CCDC63: variants seen among roughly 807,000 people sequenced by gnomAD.
The protein encoded by CCDC63 is coiled-coil domain containing 63.
CCDC63 carries 54 observed loss-of-function variants against 63.6 expected under a neutral mutation model. The ratio of observed to expected loss-of-function variants is 0.85; its 90% CI spans 0.68 to 1.07. The LOEUF (loss-of-function observed/expected upper bound fraction) is 1.07, where lower values mean the gene tolerates loss of function less well. Ranked by LOEUF, CCDC63 falls within the 50% of genes least tolerant of loss-of-function variation. CCDC63 has a pLI of 0.00. For missense variants in CCDC63, 637 were observed against 689.6 expected (o/e 0.92, Z 0.86); for synonymous variants, 253 against 266.1 (o/e 0.95, Z 0.48).
chr12:110,896,092 A>G (rs1433948928), intron 9 of CCDC63, among the ~76,000 whole-genome samples: 1 of 152,220 alleles, frequency 6.6e-6, no homozygotes, highest in East Asian at 1.9e-4. Context: ...TTAAAAAATG[A>G]ATCCTGTGAT....
chr12:110,850,399 A>C (rs1393963588), intron 1 of CCDC63, among the ~76,000 whole-genome samples: 1 of 152,198 alleles, frequency 6.6e-6, no homozygotes, highest in Non-Finnish European at 1.5e-5. Flanking sequence ...ACTGTTGGGG[A>C]GGCAATGAAC....
chr12:110,852,377 A>AGCCT (rs1006949959), intron 1 of CCDC63, among the ~76,000 whole-genome samples: 10 of 152,070 alleles, frequency 6.6e-5, no homozygotes, highest in Admixed American at 4.6e-4. Context: ...CTCCTGCCTC[A>AGCCT]GCCTCCTGAG....
chr12:110,856,185 A>G (rs1472115641), intron 3 of CCDC63, among the ~76,000 whole-genome samples: 2 of 150,136 alleles, frequency 1.3e-5, no homozygotes. Context: ...TTCCAGGTTC[A>G]AGCGATTCTC....
intron 9 of CCDC63, among the ~76,000 whole-genome samples, chr12:110,893,561 C>T (rs1482659289): frequency 6.6e-6 from 1 of 152,156 alleles, no homozygotes; most frequent in African/African-American, 2.4e-5. Flanking sequence ...GGAGTAATTA[C>T]CATGTACGAG....
intron 5 of CCDC63, 103 bp from the exon 6 acceptor site, chr12:110,879,803 G>A (rs1479299128): frequency 5.4e-6 from 6 of 1,105,992 alleles, no homozygotes; most frequent in East Asian, 2.4e-5. Flanking sequence ...TGGCCCTTGC[G>A]TATGAGGTGG....
chr12:110,905,357 C>A (rs1021767558), intron 11 of CCDC63, among the ~76,000 whole-genome samples: 1 of 152,122 alleles, frequency 6.6e-6, no homozygotes, highest in Non-Finnish European at 1.5e-5. Context: ...TCCTTCTTTT[C>A]CAAGGTGGAA....
chr12:110,883,191 C>T (rs889630945), intron 7 of CCDC63, among the ~76,000 whole-genome samples: 7 of 152,142 alleles, frequency 4.6e-5, no homozygotes, highest in South Asian at 2.1e-4. Context: ...GCACATGCCA[C>T]CACACCCAGC....
intron 10 of CCDC63, among the ~76,000 whole-genome samples, chr12:110,902,397 T>A (rs76929039): frequency 0.012 from 1,824 of 152,272 alleles, 15 homozygotes; most frequent in Admixed American, 0.02. Context: ...CTCCTCTCGA[T>A]CCTTCCAAAT....
At chr12:110,883,794 C>T (rs1378125696) in intron 7 of CCDC63, among the ~76,000 whole-genome samples, 1 of 152,102 alleles carries the variant, frequency 6.6e-6, no homozygotes, top group Non-Finnish European at 1.5e-5. Context: ...CATGTGCCAC[C>T]ACACCTGGCT....
intron 5 of CCDC63, among the ~76,000 whole-genome samples, chr12:110,878,890 C>A (rs1468131): frequency 0.32 from 47,660 of 149,708 alleles, 7,987 homozygotes; most frequent in African/African-American, 0.45. Flanking sequence ...CTTTAAAAAA[C>A]AACTTTTAAA....
At chr12:110,854,246 ATTTCT>A (rs1423649986) in intron 3 of CCDC63, among the ~76,000 whole-genome samples, 1 of 108,786 alleles carries the variant, frequency 9.2e-6, no homozygotes, top group East Asian at 2.7e-4. Context: ...AATTACAATC[ATTTCT>A]TTTCTTTTTT....
intron 9 of CCDC63, among the ~76,000 whole-genome samples, chr12:110,898,499 TCC>T (rs2071441801): frequency 6.7e-6 from 1 of 149,002 alleles, no homozygotes; most frequent in South Asian, 2.2e-4. Context: ...CTGCTTGTAA[TCC>T]CAGCTACTTG....
At chr12:110,893,688 A>C (rs577172878) in intron 9 of CCDC63, among the ~76,000 whole-genome samples, 29 of 152,294 alleles carry the variant, frequency 1.9e-4, no homozygotes, top group African/African-American at 7.0e-4. Context: ...CACTTGACCA[A>C]CATCAAGGAG....
rs1244174822 is a variant in CCDC63, at chr12:110,889,621, G to C, written c.1075-3455G>C. 3.9e-5 allele frequency among the ~76,000 whole-genome samples: 6 copies of C among 152,172 alleles called. No individual in the cohort carries two copies. Among genetic ancestry groups the C allele is most frequent in the Non-Finnish European group, 7.3e-5 (5 of 68,030 alleles). Reference sequence around the variant, plus strand: ...GGAGGGAGAGGGGATGAATCTGGGAGGTGAGGGCTGCTGGGCACATTTCCA... The same window carrying C: ...GGAGGGAGAGGGGATGAATCTGGGACGTGAGGGCTGCTGGGCACATTTCCA... On this transcript the variant is annotated intron_variant, in intron 8 of 11. Coordinates refer to ENST00000308208, the MANE Select transcript of CCDC63 (RefSeq NM_152591.3). This position sits in a 1 kb window ranked among gnomAD's most constrained non-coding sequence, Gnocchi z 4.1.
intron 11 of CCDC63, among the ~76,000 whole-genome samples, chr12:110,905,174 T>C (rs940191463): frequency 6.6e-6 from 1 of 152,190 alleles, no homozygotes; most frequent in African/African-American, 2.4e-5. Flanking sequence ...TCTATGCTCC[T>C]GAGTCTCACT....
intron 11 of CCDC63, among the ~76,000 whole-genome samples, chr12:110,905,159 C>A (rs1207352846): frequency 6.6e-6 from 1 of 152,132 alleles, no homozygotes; most frequent in Non-Finnish European, 1.5e-5. Context: ...CTCATGCTCA[C>A]CCTATCTATG....
At chr12:110,901,181 G>C (rs1269319468) in intron 10 of CCDC63, among the ~76,000 whole-genome samples, 1 of 151,868 alleles carries the variant, frequency 6.6e-6, no homozygotes, top group East Asian at 1.9e-4. Context: ...TATTTTGTAG[G>C]GTACATGAGA....
At chr12:110,880,541 AGATCT>A (rs2071186541) in intron 6 of CCDC63, among the ~76,000 whole-genome samples, 3 of 152,022 alleles carry the variant, frequency 2.0e-5, no homozygotes, top group Admixed American at 6.6e-5. Flanking sequence ...CTTCAGAGTC[AGATCT>A]GGGTTTAAAT....
chr12:110,859,150 CTG>C lies in CCDC63; in HGVS notation c.369+377_369+378del, dbSNP rs375368571. On this transcript the variant is annotated intron_variant, in intron 4 of 11. Coordinates refer to ENST00000308208, the MANE Select transcript of CCDC63 (RefSeq NM_152591.3). ...TTTCTTCCTTGTTGATGACACGTAA[CTG>C]TTGTGGGTTGGCTAAGAGCCCTTAT... Among the ~76,000 whole-genome samples the C allele has an allele frequency of 4.0e-4, 61 of 152,288 alleles. No individual in the cohort carries two copies. In the East Asian group the frequency reaches 0.011, roughly 26 times the overall value.
Sources: allele counts gnomAD v4.1 joint callset (sites outside exome capture counted in the v4.1 genomes callset), GRCh38; gene constraint gnomAD v4.1.1; non-coding constraint Gnocchi (gnomAD v3.1); transcripts MANE v1.5; gene names NCBI Gene and HGNC (gene_info 2026-07-23, HGNC 2026-07-21).